FAM120A: variants seen among roughly 807,000 people sequenced by gnomAD.
FAM120A encodes the protein family with sequence similarity 120 member A.
In FAM120A, 15 loss-of-function variants were observed where a neutral mutation model predicts 109.7. The observed-to-expected ratio is 0.14, with a 90% confidence interval of 0.09 to 0.21. The LOEUF is 0.21. FAM120A is among the 10% of genes least tolerant of loss of function. FAM120A has a pLI of 1.00. For missense variants in FAM120A, 899 were observed against 1,439.3 expected (o/e 0.62, Z 6.07); for synonymous variants, 493 against 572.8 (o/e 0.86, Z 1.99).
At chr9:93,488,248 C>T (rs1292153932) in intron 3 of FAM120A, among the ~76,000 whole-genome samples, 2 of 152,160 alleles carry the variant, frequency 1.3e-5, no homozygotes, top group African/African-American at 4.8e-5. Flanking sequence ...CCAATGGTAG[C>T]TCCTGTCACA....
chr9:93,533,909 T>C (rs770756616), intron 10 of FAM120A, among the ~76,000 whole-genome samples: 68 of 152,258 alleles, frequency 4.5e-4, no homozygotes, highest in Non-Finnish European at 9.0e-4. Flanking sequence ...AGCAAACTCC[T>C]TCAGGCATTT....
At chr9:93,501,470 G>A (rs571405682) in intron 5 of FAM120A, among the ~76,000 whole-genome samples, 2 of 152,112 alleles carry the variant, frequency 1.3e-5, no homozygotes, top group African/African-American at 4.8e-5. Context: ...TTCACTACTC[G>A]GTGGTTTATG....
chr9:93,549,864 C>T (rs1862032572), intron 11 of FAM120A, among the ~76,000 whole-genome samples: 1 of 152,192 alleles, frequency 6.6e-6, no homozygotes, highest in African/African-American at 2.4e-5. Context: ...CCCAGACACT[C>T]CTTGGGGTTG....
At chr9:93,511,861 C>T (rs1393685088) in intron 5 of FAM120A, among the ~76,000 whole-genome samples, 5 of 152,242 alleles carry the variant, frequency 3.3e-5, no homozygotes, top group Non-Finnish European at 5.9e-5. Context: ...GGCACGATCT[C>T]TGCTGATTAC....
Position 93,558,659 on chromosome 9 carries a change from C to CCTT in FAM120A, c.2747_2748insCTT (p.Ser916_Gly917insLeu), listed in dbSNP as rs1862374553. 1 of 1,614,020 alleles carries CCTT rather than the reference C, an allele frequency of 6.2e-7. No individual in the cohort carries two copies. Among genetic ancestry groups the CCTT allele is most frequent in the African/African-American group, 1.3e-5 (1 of 74,932 alleles). On this transcript the variant is annotated inframe_insertion, in exon 15 of 18. Coordinates refer to ENST00000277165, the MANE Select transcript of FAM120A (RefSeq NM_014612.5). ...CGTGCCTTCCGTGTGGCGGCAGCAT[C>CCTT]GGGACACTGCGGAGCCTTCTCAGGC...
chr9:93,518,126 A>G (rs1302942106), intron 7 of FAM120A, among the ~76,000 whole-genome samples: 3 of 152,184 alleles, frequency 2.0e-5, no homozygotes, highest in Non-Finnish European at 4.4e-5. Flanking sequence ...ACACCCTATA[A>G]TAAGGAAGAG....
At chr9:93,456,664 C>T (rs1857559567) in intron 1 of FAM120A, among the ~76,000 whole-genome samples, 1 of 152,172 alleles carries the variant, frequency 6.6e-6, no homozygotes, top group Admixed American at 6.5e-5. Flanking sequence ...TAAGTGACAT[C>T]TGGGGACAAG....
intron 11 of FAM120A, among the ~76,000 whole-genome samples, chr9:93,549,055 A>G (rs528062397): frequency 1.3e-5 from 2 of 151,030 alleles, no homozygotes; most frequent in Admixed American, 1.3e-4. Flanking sequence ...AAAAAACAAA[A>G]CAAAAACAAA....
chr9:93,453,374 C>T (rs1443737934), intron 1 of FAM120A: 7 of 985,486 alleles, frequency 7.1e-6, no homozygotes, highest in Non-Finnish European at 8.4e-6. Context: ...CATCCATGAT[C>T]CTGGACTTCA....
intron 5 of FAM120A, among the ~76,000 whole-genome samples, chr9:93,503,103 C>A (rs1859877184): frequency 6.6e-6 from 1 of 152,194 alleles, no homozygotes; most frequent in African/African-American, 2.4e-5. Flanking sequence ...ATAGAAAACA[C>A]CAACAACACT....
In FAM120A at chr9:93,533,975, G is replaced by A. The variant is rs972432671; in HGVS notation, c.1909+1646G>A. 3.9e-5 allele frequency among the ~76,000 whole-genome samples: 6 copies of A among 152,156 alleles called. No homozygotes were observed. The South Asian group carries it at 6.2e-4, about 16-fold the overall frequency. On this transcript the variant is annotated intron_variant, in intron 10 of 17. Transcript: ENST00000277165. ...GGCTTTGTGGCTTCTGTGCTGTCCC[G>A]TGGAGTCAGATGTGACAGTCCCCTA...
chr9:93,479,418 C>T (rs936925880), intron 3 of FAM120A, among the ~76,000 whole-genome samples: 3 of 152,142 alleles, frequency 2.0e-5, no homozygotes, highest in Non-Finnish European at 4.4e-5. Flanking sequence ...CTTCATAGAA[C>T]ACCAGCCCTC....
At chr9:93,536,008 A>G (rs993625209) in intron 10 of FAM120A, among the ~76,000 whole-genome samples, 6 of 152,160 alleles carry the variant, frequency 3.9e-5, no homozygotes, top group South Asian at 4.2e-4. Flanking sequence ...TTAATTGGTA[A>G]CACATATTTG....
intron 1 of FAM120A, 53 bp from the exon 2 acceptor site, chr9:93,471,088 T>C: frequency 6.3e-7 from 1 of 1,583,844 alleles, no homozygotes; most frequent in South Asian, 1.1e-5. Flanking sequence ...CTTATTGAGC[T>C]TGTTGCTACA....
intron 2 of FAM120A, among the ~76,000 whole-genome samples, chr9:93,473,992 A>C (rs1201490869): frequency 6.6e-6 from 1 of 152,226 alleles, no homozygotes; most frequent in African/African-American, 2.4e-5. Context: ...ATACTTGTTT[A>C]TCTTGTTTAA....
chr9:93,520,453 T>G (rs1034342212), intron 7 of FAM120A, among the ~76,000 whole-genome samples: 2 of 152,182 alleles, frequency 1.3e-5, no homozygotes, highest in African/African-American at 4.8e-5. Flanking sequence ...ATATCAAAAT[T>G]CTACAACTTA....
rs779031289 is a variant in FAM120A, at chr9:93,554,435, C to G, written c.2275-1947C>G. ...CTGTAATCGCAGCACTTTGGGAGGC[C>G]GAGGATCTTCTCAGATCACATGAGG... On this transcript the variant is annotated intron_variant, in intron 12 of 17. Coordinates refer to ENST00000277165, the MANE Select transcript of FAM120A (RefSeq NM_014612.5). 2.0e-5 allele frequency among the ~76,000 whole-genome samples: 3 copies of G among 151,972 alleles called. 1 individual carries two copies. Among genetic ancestry groups the G allele is most frequent in the Non-Finnish European group, 4.4e-5 (3 of 67,998 alleles).
At chr9:93,533,440 G>A (rs1364959462) in intron 10 of FAM120A, among the ~76,000 whole-genome samples, 2 of 152,214 alleles carry the variant, frequency 1.3e-5, no homozygotes, top group Non-Finnish European at 2.9e-5. Flanking sequence ...CTGGCAGGAG[G>A]TGATGCTCGC....
In FAM120A at chr9:93,476,865, A is replaced by T. The variant is rs531103528; in HGVS notation, c.804+527A>T. ...CCTTTTGATTCCCTTCCTGTTTGTG[A>T]TAGTAATAAACATCAGAGATGAGGC... On this transcript the variant is annotated intron_variant, in intron 3 of 17. Transcript: ENST00000277165. Among the ~76,000 whole-genome samples the T allele has an allele frequency of 2.0e-5, 3 of 152,210 alleles. No individual in the cohort carries two copies. In the South Asian group the frequency reaches 6.2e-4, roughly 32 times the overall value.
Sources: allele counts gnomAD v4.1 joint callset (sites outside exome capture counted in the v4.1 genomes callset), GRCh38; gene constraint gnomAD v4.1.1; transcripts MANE v1.5; gene names NCBI Gene and HGNC (gene_info 2026-07-23, HGNC 2026-07-21).